CACNA1D: variants seen among roughly 807,000 people sequenced by gnomAD.
CACNA1D encodes calcium voltage-gated channel subunit alpha1 D.
CACNA1D carries 55 observed loss-of-function variants against 257.1 expected under a neutral mutation model. The ratio of observed to expected loss-of-function variants is 0.21; its 90% CI spans 0.17 to 0.27. The LOEUF is 0.27. CACNA1D is among the 10% of genes least tolerant of loss of function. The pLI is 1.00. For synonymous variants in CACNA1D, 980 were observed against 1,014.9 expected (o/e 0.97, Z 0.65); for missense variants, 1,876 against 2,784.0 (o/e 0.67, Z 7.34).
At chr3:53,566,972 C>A (rs1031759058) in intron 3 of CACNA1D, among the ~76,000 whole-genome samples, 1 of 152,204 alleles carries the variant, frequency 6.6e-6, no homozygotes, top group Non-Finnish European at 1.5e-5. Context: ...AGAAGGCATG[C>A]GGGTAGCAGT....
chr3:53,770,822 C>T (rs937888450), intron 32 of CACNA1D, among the ~76,000 whole-genome samples: 1 of 152,144 alleles, frequency 6.6e-6, no homozygotes, highest in African/African-American at 2.4e-5. Context: ...AGGTGTGGGG[C>T]CTGCAGCCCT....
At chr3:53,575,794 T>C (rs709318) in intron 3 of CACNA1D, among the ~76,000 whole-genome samples, 143,824 of 152,286 alleles carry the variant, frequency 0.94, 67,988 homozygotes, top group African/African-American at 0.97. Context: ...GGAAAAGGTA[T>C]TAGACACCTG....
At chr3:53,707,039 G>A (rs771678038) in intron 9 of CACNA1D, among the ~76,000 whole-genome samples, 32 of 152,046 alleles carry the variant, frequency 2.1e-4, no homozygotes, top group Admixed American at 1.7e-3. Context: ...GGTCACTTTC[G>A]AGATAGGGCA....
At chr3:53,579,534 C>G (rs1010957885) in intron 3 of CACNA1D, among the ~76,000 whole-genome samples, 5 of 152,098 alleles carry the variant, frequency 3.3e-5, no homozygotes, top group African/African-American at 1.2e-4. Flanking sequence ...TTGTCTCTTA[C>G]AAAGATTTGT....
intron 4 of CACNA1D, among the ~76,000 whole-genome samples, chr3:53,656,897 T>C (rs1467998799): frequency 2.0e-5 from 3 of 152,152 alleles, no homozygotes; most frequent in Admixed American, 6.6e-5. Context: ...GTAAAAAGAC[T>C]GAACATACCA....
intron 40 of CACNA1D, among the ~76,000 whole-genome samples, chr3:53,798,314 T>C (rs4687741): frequency 4.1e-5 from 6 of 148,056 alleles, no homozygotes; most frequent in Admixed American, 2.1e-4. Flanking sequence ...TGTGCGTGTG[T>C]GTGTGTGTGT....
chr3:53,698,238 C>T (rs1227065335), intron 8 of CACNA1D, among the ~76,000 whole-genome samples: 4 of 152,170 alleles, frequency 2.6e-5, no homozygotes, highest in South Asian at 4.1e-4. Context: ...TTCTCTGTTC[C>T]GTGTTTCTGT....
intron 38 of CACNA1D, among the ~76,000 whole-genome samples, chr3:53,781,349 C>G (rs1351175065): frequency 6.6e-6 from 1 of 152,106 alleles, no homozygotes; most frequent in Non-Finnish European, 1.5e-5. Context: ...CGTGTTTGTT[C>G]CCATGGTGGA....
intron 3 of CACNA1D, among the ~76,000 whole-genome samples, chr3:53,575,341 A>G (rs777957548): frequency 2.0e-5 from 3 of 152,098 alleles, no homozygotes; most frequent in Non-Finnish European, 4.4e-5. Context: ...GCTGCCGTGC[A>G]TGGGCAGGAA....
At chr3:53,711,934 G>A (rs1207673158) in intron 9 of CACNA1D, among the ~76,000 whole-genome samples, 1 of 152,218 alleles carries the variant, frequency 6.6e-6, no homozygotes, top group Non-Finnish European at 1.5e-5. Context: ...AGCATTCACG[G>A]AAGGTTTATG....
chr3:53,722,752 G>T (rs1349466522), intron 12 of CACNA1D, among the ~76,000 whole-genome samples: 2 of 152,160 alleles, frequency 1.3e-5, no homozygotes, highest in African/African-American at 4.8e-5. Flanking sequence ...AAGGGACCTC[G>T]TAATCCCTGC....
chr3:53,735,300 G>T, intron 19 of CACNA1D, 74 bp from the exon 20 acceptor site: 1 of 1,404,940 alleles, frequency 7.1e-7, no homozygotes, highest in Non-Finnish European at 1.0e-6. Context: ...TGCTGCAGTG[G>T]CCCCACACTC....
intron 4 of CACNA1D, among the ~76,000 whole-genome samples, chr3:53,657,465 G>A (rs2094159466): frequency 6.6e-6 from 1 of 152,114 alleles, no homozygotes; most frequent in African/African-American, 2.4e-5. Flanking sequence ...TCTTGATCAT[G>A]GTGTTTGTTG....
chr3:53,800,433 A>G lies in CACNA1D; in HGVS notation c.5040+68A>G. 9.4e-7 allele frequency: 1 copy of G among 1,064,966 alleles called. No individual in the cohort carries two copies. Among genetic ancestry groups the G allele is most frequent in the Non-Finnish European group, 1.5e-6 (1 of 678,686 alleles). The allele number at this position is 1,064,966 out of a possible 1,614,324, so 66.0% of individuals were successfully genotyped here. On this transcript the variant is annotated intron_variant, in intron 41 of 47. Coordinates refer to ENST00000350061, the MANE Select transcript of CACNA1D (RefSeq NM_001128840.3). The surrounding 1 kb of genome is among the most constrained non-coding windows in gnomAD (Gnocchi z 4.3). ...AGCAGGGCAGGACTCCAGTTTGGGCAGTTAATCATCCACAGAAGAGTCTGG... is the reference window on the plus strand; with the variant it reads ...AGCAGGGCAGGACTCCAGTTTGGGCGGTTAATCATCCACAGAAGAGTCTGG...
rs114779404 is a variant in CACNA1D, at chr3:53,740,052, G to A, written c.2752-228G>A. Among the ~76,000 whole-genome samples, 1,996 of 152,356 alleles carry A rather than the reference G, an allele frequency of 0.013. 49 individuals carry two copies. Among genetic ancestry groups the A allele is most frequent in the African/African-American group, 0.045 (1,859 of 41,574 alleles). ...CCTGTCCAAGACACAAGACTGGGAA[G>A]CAAGTCGGTGAGTGGTTAAAGGAGG... On this transcript the variant is annotated intron_variant, in intron 20 of 47. Coordinates refer to ENST00000350061, the MANE Select transcript of CACNA1D (RefSeq NM_001128840.3).
intron 39 of CACNA1D, chr3:53,782,387 A>T (rs1479844675): frequency 6.6e-6 from 1 of 151,354 alleles, no homozygotes; most frequent in Non-Finnish European, 1.5e-5. Flanking sequence ...TTAAAGGTGC[A>T]GGATCTGTTC....
At chr3:53,564,380 C>T (rs1301719673) in intron 3 of CACNA1D, among the ~76,000 whole-genome samples, 1 of 152,234 alleles carries the variant, frequency 6.6e-6, no homozygotes, top group East Asian at 1.9e-4. Flanking sequence ...AGGCTGGTCT[C>T]GAACTCCTGA....
chr3:53,796,296 G>A, intron 40 of CACNA1D: 1 of 455,776 alleles, frequency 2.2e-6, no homozygotes, highest in Non-Finnish European at 4.4e-6. Flanking sequence ...TGCCAGGCAG[G>A]GTTCTTTGGC....
At chr3:53,724,585 C>T (rs1004618547) in intron 14 of CACNA1D, among the ~76,000 whole-genome samples, 3 of 152,126 alleles carry the variant, frequency 2.0e-5, no homozygotes, top group South Asian at 2.1e-4. Context: ...AGAGAGGCAC[C>T]GATGGCTCTG....
Sources: allele counts gnomAD v4.1 joint callset (sites outside exome capture counted in the v4.1 genomes callset), GRCh38; gene constraint gnomAD v4.1.1; non-coding constraint Gnocchi (gnomAD v3.1); transcripts MANE v1.5; gene names NCBI Gene and HGNC (gene_info 2026-07-23, HGNC 2026-07-21).